The following RBFOX1 variants were observed in gnomAD, a reference collection of about 807,000 sequenced individuals.
The protein encoded by RBFOX1 is RNA binding protein fox-1 homolog 1.
RBFOX1 carries 8 observed loss-of-function variants against 57.7 expected under a neutral mutation model. The observed-to-expected ratio is 0.14, with a 90% CI of 0.08 to 0.25. The LOEUF (loss-of-function observed/expected upper bound fraction) is 0.25. Among genes scored for constraint, RBFOX1 ranks in the 10% least tolerant of loss-of-function variants. The pLI, the probability that RBFOX1 is intolerant of heterozygous loss-of-function variation, is 1.00. For missense variants in RBFOX1, 611 were observed against 548.5 expected (o/e 1.11, Z -1.14); for synonymous variants, 326 against 222.4 (o/e 1.47, Z -4.15).
chr16:6,285,509 G>T (rs1216576801), intron 1 of RBFOX1, among the ~76,000 whole-genome samples: 1 of 152,156 alleles, frequency 6.6e-6, no homozygotes, highest in Non-Finnish European at 1.5e-5. Flanking sequence ...AACACCTCTT[G>T]GGTGTTGCCG....
intron 1 of RBFOX1, chr16:5,366,489 C>G (rs2065719142): frequency 4.6e-6 from 2 of 432,074 alleles, no homozygotes; most frequent in South Asian, 1.8e-5. Context: ...AAGAATCCTT[C>G]AAGAAACAGG....
intron 4 of RBFOX1, among the ~76,000 whole-genome samples, chr16:7,250,927 C>G (rs2094477955): frequency 6.6e-6 from 1 of 152,162 alleles, no homozygotes; most frequent in Non-Finnish European, 1.5e-5. Context: ...TCATGTACAA[C>G]ATGACGTTTT....
intron 3 of RBFOX1, among the ~76,000 whole-genome samples, chr16:5,774,513 A>C (rs1020666957): frequency 6.6e-6 from 1 of 152,184 alleles, no homozygotes. Flanking sequence ...CAACAAGGAG[A>C]GGTTATGCAG....
At chr16:5,845,698 C>G (rs2056738808) in intron 3 of RBFOX1, among the ~76,000 whole-genome samples, 1 of 152,198 alleles carries the variant, frequency 6.6e-6, no homozygotes, top group South Asian at 2.1e-4. Flanking sequence ...AACTTAAAAT[C>G]CAGTTCTCAA....
chr16:6,536,290 G>A (rs576626049), intron 2 of RBFOX1, among the ~76,000 whole-genome samples: 1 of 152,222 alleles, frequency 6.6e-6, no homozygotes, highest in South Asian at 2.1e-4. Context: ...CCTGTCTCCA[G>A]CAAATCTCGT....
intron 4 of RBFOX1, among the ~76,000 whole-genome samples, chr16:7,251,382 A>G (rs979936696): frequency 6.7e-6 from 1 of 149,334 alleles, no homozygotes; most frequent in Non-Finnish European, 1.5e-5. Flanking sequence ...ATTCCATTGT[A>G]GATACAGAGC....
intron 2 of RBFOX1, among the ~76,000 whole-genome samples, chr16:6,613,041 G>C (rs894315137): frequency 6.8e-6 from 1 of 146,476 alleles, no homozygotes; most frequent in South Asian, 2.2e-4. Flanking sequence ...GTGTGTGTGT[G>C]TGAGTGTGTG....
chr16:5,485,114 AG>A (rs2151653630), intron 2 of RBFOX1, among the ~76,000 whole-genome samples: 1 of 152,096 alleles, frequency 6.6e-6, no homozygotes, highest in South Asian at 2.1e-4. Context: ...TGGGAGGCCG[AG>A]GCGGGCGGAT....
intron 4 of RBFOX1, among the ~76,000 whole-genome samples, chr16:7,222,874 G>C (rs1196880648): frequency 1.3e-5 from 2 of 152,192 alleles, no homozygotes; most frequent in African/African-American, 4.8e-5. Flanking sequence ...TTACTAAAGA[G>C]TGTGTTTTTG....
chr16:5,845,595 C>T (rs1287772397), intron 3 of RBFOX1, among the ~76,000 whole-genome samples: 2 of 152,200 alleles, frequency 1.3e-5, no homozygotes, highest in Non-Finnish European at 2.9e-5. Context: ...TCAAATTTCA[C>T]TGTGCTTTTC....
At chr16:7,265,958 GTTTTTGTTTTTT>G (rs1234337000) in intron 4 of RBFOX1, among the ~76,000 whole-genome samples, 2 of 107,604 alleles carry the variant, frequency 1.9e-5, no homozygotes, top group African/African-American at 9.2e-5. Context: ...GATCTGGTGG[GTTTTTGTTTTTT>G]TTTTTTTTTT....
intron 3 of RBFOX1, among the ~76,000 whole-genome samples, chr16:5,819,438 C>G (rs1017463853): frequency 5.3e-5 from 8 of 152,224 alleles, no homozygotes; most frequent in African/African-American, 1.7e-4. Context: ...TCCATCTATG[C>G]TCTGCTTCTG....
rs557551646 is a variant in RBFOX1, at chr16:7,048,258, T to TTTTGTTTG, written c.-15-3787_-15-3780dup. Among the ~76,000 whole-genome samples the TTTTGTTTG allele has an allele frequency of 5.1e-3, 769 of 151,880 alleles. 7 individuals are homozygous for TTTTGTTTG. The highest frequency in any genetic ancestry group is 0.018 in the African/African-American group (726 of 41,376). On this transcript the variant is annotated intron_variant, in intron 3 of 15. Transcript: ENST00000550418. ...ATTTCCTTTTGATTTTTTTGTTTTG[T>TTTTGTTTG]TTTGTTTGTTTGTTTGTTTTCGATG...
intron 3 of RBFOX1, among the ~76,000 whole-genome samples, chr16:6,915,217 C>T (rs545826828): frequency 1.3e-5 from 2 of 152,162 alleles, no homozygotes; most frequent in South Asian, 2.1e-4. Context: ...CCCTTGTTCT[C>T]CTAGCAGCTG....
At chr16:5,429,697 T>G (rs1205480997) in intron 1 of RBFOX1, among the ~76,000 whole-genome samples, 3 of 152,306 alleles carry the variant, frequency 2.0e-5, no homozygotes, top group Non-Finnish European at 2.9e-5. Flanking sequence ...CCATTATCCC[T>G]CCTTCAAAAC....
intron 2 of RBFOX1, among the ~76,000 whole-genome samples, chr16:6,326,461 G>A (rs2082382588): frequency 6.6e-6 from 1 of 152,158 alleles, no homozygotes; most frequent in Non-Finnish European, 1.5e-5. Context: ...GGACCAAGGA[G>A]TATCCTAGAT....
At chr16:7,560,900 C>A (rs1163737564) in intron 5 of RBFOX1, among the ~76,000 whole-genome samples, 1 of 152,114 alleles carries the variant, frequency 6.6e-6, no homozygotes, top group Non-Finnish European at 1.5e-5. Context: ...AGACTTTTTT[C>A]AAGAAATTTC....
chr16:6,843,586 C>G (rs958750223), intron 3 of RBFOX1, among the ~76,000 whole-genome samples: 1 of 152,098 alleles, frequency 6.6e-6, no homozygotes, highest in South Asian at 2.1e-4. Flanking sequence ...CTACTCAGGA[C>G]GTTGAGGCAG....
intron 2 of RBFOX1, among the ~76,000 whole-genome samples, chr16:5,567,668 A>G (rs1179597635): frequency 6.9e-6 from 1 of 145,822 alleles, no homozygotes; most frequent in Non-Finnish European, 1.5e-5. Context: ...AGCCTCCTAG[A>G]TGGAAGGGCT....
Sources: allele counts gnomAD v4.1 joint callset (sites outside exome capture counted in the v4.1 genomes callset), GRCh38; gene constraint gnomAD v4.1.1; transcripts MANE v1.5; gene names NCBI Gene and HGNC (gene_info 2026-07-23, HGNC 2026-07-21).